The following OR51B5 variants were observed in gnomAD, a reference collection of about 807,000 sequenced individuals.
OR51B5 encodes olfactory receptor family 51 subfamily B member 5, also known as olfactory receptor 51B5.
For missense variants in OR51B5, 456 were observed against 374.6 expected (o/e 1.22, Z -1.79); for synonymous variants, 186 against 144.8 (o/e 1.28, Z -2.04).
chr11:5,478,633 T>A (rs1261896004), intron 1 of OR51B5, among the ~76,000 whole-genome samples: 2 of 150,080 alleles, frequency 1.3e-5, no homozygotes, highest in Non-Finnish European at 3.0e-5. Flanking sequence ...GAAGAATGTA[T>A]AACTAGAATA....
chr11:5,433,469 G>C (rs1225050885), intron 1 of OR51B5, among the ~76,000 whole-genome samples: 1 of 152,176 alleles, frequency 6.6e-6, no homozygotes, highest in Admixed American at 6.5e-5. Flanking sequence ...ATGAGTCAGT[G>C]ATCCTGCACC....
At chr11:5,383,238 T>A (rs1849638368) in intron 1 of OR51B5, among the ~76,000 whole-genome samples, 1 of 152,194 alleles carries the variant, frequency 6.6e-6, no homozygotes, top group South Asian at 2.1e-4. Context: ...CCTGAGACAC[T>A]GACCTGGACA....
intron 1 of OR51B5, among the ~76,000 whole-genome samples, chr11:5,358,945 C>A (rs917979539): frequency 2.4e-4 from 36 of 150,802 alleles, no homozygotes; most frequent in African/African-American, 5.8e-4. Context: ...ATTCAACAAC[C>A]CTTCATGCTA....
At chr11:5,489,762 C>A in intron 1 of OR51B5, 1 of 839,094 alleles carries the variant, frequency 1.2e-6, no homozygotes, top group Non-Finnish European at 1.9e-6. Flanking sequence ...AATGGTATGA[C>A]ATGGCAGGAA....
chr11:5,363,196 A>G (rs1849311031), intron 1 of OR51B5, among the ~76,000 whole-genome samples: 2 of 151,728 alleles, frequency 1.3e-5, no homozygotes, highest in South Asian at 2.1e-4. Context: ...TTTTTCATCA[A>G]TACAGGATCT....
chr11:5,495,975 C>T lies in OR51B5; in HGVS notation n.84+9594G>A, dbSNP rs909561814. ...TTTTAACTTCATATGTTCCTGATACCTTAACCTCTCCATGAACAGACTCTG... is the reference window on the plus strand; with the variant it reads ...TTTTAACTTCATATGTTCCTGATACTTTAACCTCTCCATGAACAGACTCTG... On this transcript the variant is annotated intron_variant and non_coding_transcript_variant, in intron 1 of 4. Transcript: ENST00000415970. Among the ~76,000 whole-genome samples, 3 of 152,044 alleles carry T rather than the reference C, an allele frequency of 2.0e-5. No individual in the cohort carries two copies. In the East Asian group the frequency reaches 5.8e-4, roughly 29 times the overall value.
rs1201292910 is a variant in OR51B5 at position 5,407,145 on chromosome 11, G to A, written n.85-60235C>T. Among the ~76,000 whole-genome samples, 4 of 151,972 alleles carry A rather than the reference G, an allele frequency of 2.6e-5. No homozygotes were observed. The South Asian group carries it at 6.2e-4, about 24-fold the overall frequency. ...CTACCAAAACTGACAGTACTGTGGG[G>A]CATATTTCTTGATCTGTATTGAGGG... On this transcript the variant is annotated intron_variant and non_coding_transcript_variant, in intron 1 of 4. Transcript: ENST00000415970.
At chr11:5,435,056 C>G (rs1458672076) in intron 1 of OR51B5, among the ~76,000 whole-genome samples, 2 of 152,076 alleles carry the variant, frequency 1.3e-5, no homozygotes, top group African/African-American at 4.8e-5. Flanking sequence ...GGTTAAGTCA[C>G]CTTTGAAAAA....
At chr11:5,394,314 ATAT>A (rs1849837699) in intron 1 of OR51B5, among the ~76,000 whole-genome samples, 1 of 152,196 alleles carries the variant, frequency 6.6e-6, no homozygotes, top group South Asian at 2.1e-4. Context: ...ATCTTGCCCA[ATAT>A]TATACCAAGT....
chr11:5,350,148 A>G (rs1051189823), intron 1 of OR51B5, among the ~76,000 whole-genome samples: 1 of 152,204 alleles, frequency 6.6e-6, no homozygotes. Context: ...TCCACTCTTT[A>G]CAAAACATTT....
At chr11:5,341,984 T>C (rs1848902429), downstream of OR51B5, among the ~76,000 whole-genome samples, 1 of 152,170 alleles carries the variant, frequency 6.6e-6, no homozygotes. Flanking sequence ...GAGTTTATGG[T>C]TTTTGAGACA....
intron 1 of OR51B5, among the ~76,000 whole-genome samples, chr11:5,484,045 CCA>C (rs943360591): frequency 3.3e-5 from 5 of 152,166 alleles, no homozygotes; most frequent in Admixed American, 2.0e-4. Flanking sequence ...ACTCTTTCTC[CCA>C]CACAGTTTCA....
At chr11:5,434,934 G>A (rs777604916) in intron 1 of OR51B5, among the ~76,000 whole-genome samples, 1 of 152,162 alleles carries the variant, frequency 6.6e-6, no homozygotes, top group Non-Finnish European at 1.5e-5. Flanking sequence ...ATGGGAAGAT[G>A]CTGGAGAAGT....
At chr11:5,423,040 T>C in intron 1 of OR51B5, 1 of 1,614,120 alleles carries the variant, frequency 6.2e-7, no homozygotes, top group Non-Finnish European at 8.5e-7. Context: ...TCATGGCCAA[T>C]ATCTACCTGC....
intron 1 of OR51B5, among the ~76,000 whole-genome samples, chr11:5,400,708 G>T (rs974785064): frequency 6.6e-6 from 1 of 152,204 alleles, no homozygotes; most frequent in African/African-American, 2.4e-5. Context: ...AAGAAGATTT[G>T]TTCTCTGTGA....
At chr11:5,415,520 G>A (rs1334187326) in intron 1 of OR51B5, among the ~76,000 whole-genome samples, 2 of 151,872 alleles carry the variant, frequency 1.3e-5, no homozygotes, top group Non-Finnish European at 2.9e-5. Flanking sequence ...AAAATTCATA[G>A]ACAGCTAGCA....
intron 1 of OR51B5, chr11:5,455,568 A>AGAGAGGGAGAGACAGAAAGAGAGAG (rs61289313): frequency 1.5e-5 from 2 of 135,318 alleles, no homozygotes; most frequent in African/African-American, 5.6e-5. Flanking sequence ...AAGGGGGGAG[A>AGAGAGGGAGAGACAGAAAGAGAGAG]GAGAGAGAGA....
chr11:5,412,353 G>C (rs1385010810), intron 1 of OR51B5, among the ~76,000 whole-genome samples: 1 of 152,204 alleles, frequency 6.6e-6, no homozygotes, highest in Non-Finnish European at 1.5e-5. Flanking sequence ...ACAGCTCCCA[G>C]CGTGAGCGAT....
chr11:5,348,804 C>A (rs1849032956), intron 1 of OR51B5, among the ~76,000 whole-genome samples: 1 of 152,060 alleles, frequency 6.6e-6, no homozygotes, highest in Admixed American at 6.5e-5. Flanking sequence ...CACCCAGGAA[C>A]AATACTTTGC....
Sources: allele counts gnomAD v4.1 joint callset (sites outside exome capture counted in the v4.1 genomes callset), GRCh38; gene constraint gnomAD v4.1.1; transcripts MANE v1.5; gene names NCBI Gene and HGNC (gene_info 2026-07-23, HGNC 2026-07-21).